IL3RA: variants seen among roughly 807,000 people sequenced by gnomAD.
IL3RA encodes interleukin-3 receptor subunit alpha.
Under a neutral mutation model 52.3 loss-of-function variants are expected in IL3RA, and 73 were observed. That is an observed-to-expected ratio of 1.40 (90% CI 1.16 to 1.70). IL3RA has a LOEUF of 1.70. Among genes scored for constraint, IL3RA ranks in the 40% most tolerant of loss-of-function variants. The pLI is 0.00. For missense variants in IL3RA, 664 were observed against 504.4 expected (o/e 1.32, Z -3.03); for synonymous variants, 260 against 194.0 (o/e 1.34, Z -2.83).
chrX:1,348,653 T>TCTTG (rs2085900999), intron 4 of IL3RA, 108 bp downstream of exon 4: 1 of 406,734 alleles, frequency 2.5e-6, no homozygotes, highest in Non-Finnish European at 4.1e-6. Context: ...TCTCTTTCTT[T>TCTTG]CTTTCTTTCT....
Position 1,352,411 on chromosome X carries a change from C to A in IL3RA, c.521C>A (p.Ser174Tyr), listed in dbSNP as rs2086139311. ...CGTTTCGATGACATCTCTCGACTCTCCAGCGGTTCTCAAAGTTCCCACATC... is the reference window on the plus strand; with the variant it reads ...CGTTTCGATGACATCTCTCGACTCTACAGCGGTTCTCAAAGTTCCCACATC... ...GCRFDDISRL[S>Y]SGSQSSHILV... Residue 174 changes from serine (S) to tyrosine (Y), a missense_variant, in exon 6 of 12, where the codon TCC becomes TAC. Transcript: ENST00000331035. 1 of 1,613,876 alleles carries A rather than the reference C, an allele frequency of 6.2e-7. No individual in the cohort carries two copies. The highest frequency in any genetic ancestry group is 8.5e-7 in the Non-Finnish European group (1 of 1,179,860).
At chrX:1,341,381 GCA>G (rs66978143) in intron 1 of IL3RA, among the ~76,000 whole-genome samples, 140,533 of 152,016 alleles carry the variant, frequency 0.92, 65,540 homozygotes, top group Non-Finnish European at 1. Context: ...ACACGTGCAA[GCA>G]CACACACACA....
intron 3 of IL3RA, 36 bp from the exon 4 acceptor site, chrX:1,348,395 C>T (rs761604203): frequency 1.4e-6 from 2 of 1,473,386 alleles, no homozygotes; most frequent in Non-Finnish European, 1.9e-6. Flanking sequence ...TAAGCATGGT[C>T]TGTCAGCAGC....
intron 1 of IL3RA, among the ~76,000 whole-genome samples, chrX:1,339,199 C>T (rs2085400443): frequency 6.6e-6 from 1 of 152,106 alleles, no homozygotes; most frequent in African/African-American, 2.4e-5. Flanking sequence ...CTGACTCAGG[C>T]ATCTTCCTGG....
intron 2 of IL3RA, among the ~76,000 whole-genome samples, chrX:1,344,356 C>T (rs1276117622): frequency 6.6e-6 from 1 of 151,902 alleles, no homozygotes; most frequent in South Asian, 2.1e-4. Context: ...ATCGCTTGAA[C>T]CCGGGAGGCG....
intron 2 of IL3RA, 27 bp from the exon 3 acceptor site, chrX:1,345,289 T>C (rs139408873): frequency 1.5e-5 from 23 of 1,525,684 alleles, no homozygotes; most frequent in Non-Finnish European, 7.2e-6. Flanking sequence ...ACGTATCTCT[T>C]CGAACTCCAA....
chrX:1,360,494 ATC>A (rs1251719851), intron 8 of IL3RA, among the ~76,000 whole-genome samples: 1 of 146,162 alleles, frequency 6.8e-6, no homozygotes, highest in Non-Finnish European at 1.5e-5. Flanking sequence ...GTATCTCTGT[ATC>A]TCTCTCCCTT....
At chrX:1,380,539 GGGA>G (rs1235561497) in intron 10 of IL3RA, among the ~76,000 whole-genome samples, 1 of 20,596 alleles carries the variant, frequency 4.9e-5, no homozygotes, top group East Asian at 2.0e-3. Flanking sequence ...GAGGGGGAAG[GGGA>G]GGAGGAGGAG....
chrX:1,350,252 C>G (rs193277804), intron 4 of IL3RA, among the ~76,000 whole-genome samples: 6,575 of 149,716 alleles, frequency 0.044, 169 homozygotes, highest in Middle Eastern at 0.063. Context: ...GTCAGGAGTT[C>G]GAGACCAGCC....
chrX:1,344,869 T>C (rs2085662523), intron 2 of IL3RA, among the ~76,000 whole-genome samples: 1 of 146,330 alleles, frequency 6.8e-6, no homozygotes, highest in Non-Finnish European at 1.5e-5. Context: ...ACAATGCTGT[T>C]TTAAGATTGT....
At chrX:1,362,573 C>G (rs1185996408) in intron 8 of IL3RA, among the ~76,000 whole-genome samples, 1 of 151,474 alleles carries the variant, frequency 6.6e-6, no homozygotes, top group African/African-American at 2.4e-5. Flanking sequence ...CTCTTTGTAT[C>G]TCTTTCTCTC....
chrX:1,382,675 T>G lies in IL3RA; in HGVS notation c.*210T>G, dbSNP rs1479073721. ...GTTTATTTCATGATAAAGTGATTTT[T>G]TTTTTTTTAACCCACTCACTGGTCC... is the stretch of plus-strand genomic sequence containing the variant. On this transcript the variant is annotated 3_prime_UTR_variant, in exon 12 of 12. Coordinates refer to ENST00000331035, the MANE Select transcript of IL3RA (RefSeq NM_002183.4). 8 of 599,236 alleles carry G rather than the reference T, an allele frequency of 1.3e-5. No individual in the cohort carries two copies. Among genetic ancestry groups the G allele is most frequent in the Non-Finnish European group, 2.4e-5 (8 of 328,944 alleles). The allele number at this position is 599,236 out of a possible 1,614,324, so 37.1% of individuals were successfully genotyped here.
intron 11 of IL3RA, among the ~76,000 whole-genome samples, 187 bp from the exon 12 acceptor site, chrX:1,382,204 C>G (rs1245724613): frequency 2.6e-5 from 1 of 38,606 alleles, no homozygotes; most frequent in Non-Finnish European, 4.7e-5. Flanking sequence ...TCGCCTCGGC[C>G]TCCCAAAGTG....
rs186312543 is a variant in IL3RA, at chrX:1,354,588, G to T, written c.617-1633G>T. Among the ~76,000 whole-genome samples the T allele has an allele frequency of 9.1e-3, 1,015 of 111,826 alleles. 22 individuals carry two copies. The highest frequency in any genetic ancestry group is 0.034 in the African/African-American group (955 of 28,474). The allele number at this position is 111,826 out of a possible 152,430, so 73.4% of individuals were successfully genotyped here. On this transcript the variant is annotated intron_variant, in intron 6 of 11. Transcript: ENST00000331035. ...AAGAGGAGGAAGAGAAGAAAACGGA[G>T]AAAGAGGAGGGGGAGGAGGAGGAGG...
Position 1,365,637 on chromosome X carries a change from CGGGTGCGCG to C in IL3RA, c.874+391_874+399del, listed in dbSNP as rs1405563355. 1.4e-3 allele frequency among the ~76,000 whole-genome samples: 15 copies of C among 10,604 alleles called. 1 individual carries two copies. The highest frequency in any genetic ancestry group is 1.7e-3 in the Non-Finnish European group (13 of 7,584). The allele number at this position is 10,604 out of a possible 152,430, so 7.0% of individuals were successfully genotyped here. ...GGTGAGCCGGGTGAGCCGGGTGAGC[CGGGTGCGCG>C]GGGTGAGCCGGGTGCGCGGGGTGAG... On this transcript the variant is annotated intron_variant, in intron 9 of 11. Transcript: ENST00000331035.
Position 1,382,554 on chromosome X carries a change from CA to C in IL3RA, c.*90del. The stretch of plus-strand genomic sequence containing the variant: ...AGACTGGCTGCTGGACCTGCGCACG[CA>C]GCCCAGGAATGGACATTCCTAACGG... On this transcript the variant is annotated 3_prime_UTR_variant, in exon 12 of 12. Coordinates refer to ENST00000331035, the MANE Select transcript of IL3RA (RefSeq NM_002183.4). 8.1e-7 allele frequency: 1 copy of C among 1,231,214 alleles called. No individual in the cohort carries two copies. Among genetic ancestry groups the C allele is most frequent in the Non-Finnish European group, 1.2e-6 (1 of 831,716 alleles). 76.3% of individuals were successfully genotyped at this position (1,231,214 alleles called of 1,614,324 possible).
rs184945938 is a variant in IL3RA, at chrX:1,382,180, A to C, written c.1063-211A>C. Among the ~76,000 whole-genome samples, 4 of 63,130 alleles carry C rather than the reference A, an allele frequency of 6.3e-5. No individual in the cohort carries two copies. In the East Asian group the frequency reaches 1.4e-3, roughly 22 times the overall value. The allele number at this position is 63,130 out of a possible 152,430, so 41.4% of individuals were successfully genotyped here. On this transcript the variant is annotated intron_variant, in intron 11 of 11. Coordinates refer to ENST00000331035, the MANE Select transcript of IL3RA (RefSeq NM_002183.4). Reference sequence around the variant, plus strand: ...TGGCCAGGATGGTCTGGATCTCCTGACCTTATGGTCCGCTCGCCTCGGCCT... The same window carrying C: ...TGGCCAGGATGGTCTGGATCTCCTGCCCTTATGGTCCGCTCGCCTCGGCCT...
At chrX:1,378,193 A>AAAAAAG (rs772094719) in intron 9 of IL3RA, among the ~76,000 whole-genome samples, 7 of 149,902 alleles carry the variant, frequency 4.7e-5, no homozygotes, top group African/African-American at 7.5e-5. Context: ...AAAAAAAAAA[A>AAAAAAG]AAAAAGAAAA....
intron 11 of IL3RA, among the ~76,000 whole-genome samples, chrX:1,381,942 TG>T (rs58353993): frequency 0.15 from 22,882 of 151,380 alleles, 1,861 homozygotes; most frequent in Middle Eastern, 0.25. Context: ...TGTTTTGTTT[TG>T]TTTTGTTTGT....
Sources: allele counts gnomAD v4.1 joint callset (sites outside exome capture counted in the v4.1 genomes callset), GRCh38; gene constraint gnomAD v4.1.1; transcripts MANE v1.5; gene names NCBI Gene and HGNC (gene_info 2026-07-23, HGNC 2026-07-21).